The following PSMB11 variants were observed in gnomAD, a reference collection of about 807,000 sequenced individuals.
PSMB11 encodes proteasome subunit beta type-11.
For missense variants in PSMB11, 411 were observed against 408.2 expected, an observed-to-expected ratio of 1.01 and a Z score of -0.06; for synonymous variants, 163 against 167.7, an observed-to-expected ratio of 0.97 and a Z score of 0.22.
In PSMB11 at chr14:23,043,234, C is replaced by G; in HGVS notation, c.*106C>G. ...GCAGCCTCACAGCGTCTGGCTCTAG[C>G]CTGTATGGGTTGCTGGCTTCATTTA... On this transcript the variant is annotated 3_prime_UTR_variant, in exon 1 of 1. Coordinates refer to ENST00000408907, the MANE Select transcript of PSMB11 (RefSeq NM_001099780.2). 1.3e-6 allele frequency: 1 copy of G among 746,446 alleles called. No homozygotes were observed. Among genetic ancestry groups the G allele is most frequent in the East Asian group, 2.7e-5 (1 of 37,048 alleles). 46.2% of individuals were successfully genotyped at this position (746,446 alleles called of 1,614,324 possible). A position where few individuals can be genotyped will look rare whatever the true frequency, so the allele number is the denominator to read the frequency against.
rs2047020199 is a variant in PSMB11, at chr14:23,042,716, A to G, written c.491A>G (p.Tyr164Cys). 1.9e-6 allele frequency: 3 copies of G among 1,612,954 alleles called. No individual in the cohort carries two copies. The highest frequency in any genetic ancestry group is 2.5e-6 in the Non-Finnish European group (3 of 1,179,942). Residue 164 changes from tyrosine (Y) to cysteine (C), a missense_variant, in exon 1 of 1, where the codon TAT becomes TGT. By Grantham distance (194) the Tyr-to-Cys change is radical. Transcript: ENST00000408907. ...TCTGGCCCTGAGCTCTTCTACGTCT[A>G]TAGCGACGGCACCCGCCTGCAGGGG... ...DRSGPELFYV[Y>C]SDGTRLQGDI...
In PSMB11 at chr14:23,042,591, G is replaced by T. The variant is rs1411320591; in HGVS notation, c.366G>T (p.Leu122=). Residue 122 remains leucine, a synonymous_variant, in exon 1 of 1, where the codon CTG becomes CTT. Transcript: ENST00000408907. The stretch of plus-strand genomic sequence containing the variant: ...TTCGGGAACTGAGGGAGGGTCAGCT[G>T]CCCAGTGTGGCCAGTGCTGCCAAGC... ...LRLRELREGQ[L]PSVASAAKLL... The T allele has an allele frequency of 6.2e-7, 1 of 1,614,194 alleles. No individual in the cohort carries two copies. Among genetic ancestry groups the T allele is most frequent in the African/African-American group, 1.3e-5 (1 of 75,076 alleles).
At position 23,042,858 on chromosome 14, in the gene PSMB11, C is replaced by T. The variant is rs774847405; in HGVS notation, c.633C>T (p.His211=). The T allele has an allele frequency of 2.4e-5, 39 of 1,613,572 alleles. No individual in the cohort carries two copies. The East Asian group carries it at 2.5e-4, about 10-fold the overall frequency. Residue 211 remains histidine, a synonymous_variant, in exon 1 of 1, where the codon CAC becomes CAT. Transcript: ENST00000408907. ...AYALARCAVA[H]ATHRDAYSGG... is the part of the protein sequence containing the mutation. ...CCCTGGCTCGCTGCGCCGTGGCCCA[C>T]GCCACCCACCGTGATGCCTATTCAG...
chr14:23,043,626 G>T lies in PSMB11; in HGVS notation c.*498G>T, dbSNP rs930915822. ...CGTAGTGATAGACACCCTTTGGATG[G>T]TGATGGGCTTGTCTTATCTGCTCTC... On this transcript the variant is annotated 3_prime_UTR_variant, in exon 1 of 1. Coordinates refer to ENST00000408907, the MANE Select transcript of PSMB11 (RefSeq NM_001099780.2). 1.2e-5 allele frequency: 2 copies of T among 169,882 alleles called. No individual in the cohort carries two copies. Among genetic ancestry groups the T allele is most frequent in the African/African-American group, 4.8e-5 (2 of 41,496 alleles). The allele number at this position is 169,882 out of a possible 1,614,324, so 10.5% of individuals were successfully genotyped here. A position where few individuals can be genotyped will look rare whatever the true frequency, so the allele number is the denominator to read the frequency against.
Position 23,042,646 on chromosome 14 carries a change from G to C in PSMB11, c.421G>C (p.Gly141Arg). The C allele has an allele frequency of 6.2e-7, 1 of 1,614,032 alleles. No individual in the cohort carries two copies. Among genetic ancestry groups the C allele is most frequent in the South Asian group, 1.1e-5 (1 of 91,082 alleles). Residue 141 changes from glycine to arginine, a missense_variant, in exon 1 of 1, where the codon GGA (glycine) becomes CGA (arginine). By Grantham distance (125) the Gly-to-Arg change is moderately radical. Transcript: ENST00000408907. The stretch of plus-strand genomic sequence containing the variant: ...GTCAGCCATGATGTCTCAATACCGG[G>C]GACTGGATCTCTGTGTGGCCACTGC... Reference protein sequence around the residue: ...LLSAMMSQYRGLDLCVATALC... With the variant: ...LLSAMMSQYRRLDLCVATALC...
rs745500706 is a variant in PSMB11 at position 23,042,991 on chromosome 14, C to T, written c.766C>T (p.Pro256Ser). Residue 256 changes from proline to serine, a missense_variant, in exon 1 of 1, where the codon CCA becomes TCA. Pro to Ser is a moderately conservative substitution (Grantham distance 74). Transcript: ENST00000408907. ...GTTACAGAAGCTCCTGGAGCCGGAG[C>T]CAGAGGAGGATGCCAGCCATGCCCA... ...VELQKLLEPE[P>S]EEDASHAHPE... 4.3e-6 allele frequency: 7 copies of T among 1,613,964 alleles called. No individual in the cohort carries two copies. Among genetic ancestry groups the T allele is most frequent in the South Asian group, 1.1e-5 (1 of 91,088 alleles).
rs2047016630 is a variant in PSMB11 at position 23,042,282 on chromosome 14, T to G, written c.57T>G (p.Pro19=). 1 of 1,611,140 alleles carries G rather than the reference T, an allele frequency of 6.2e-7. No homozygotes were observed. The highest frequency in any genetic ancestry group is 1.3e-5 in the African/African-American group (1 of 74,926). ...WQSPDTQGPS[P]HLPRAGGWAV... is the part of the protein sequence containing the mutation. ...CCCCTGACACCCAGGGACCATCACC[T>G]CACCTGCCTCGGGCTGGCGGCTGGG... The change falls in exon 1 of 1, where the codon CCT becomes CCG. Residue 19 remains proline (P), a synonymous_variant. Transcript: ENST00000408907.
chr14:23,042,945 T>A lies in PSMB11; in HGVS notation c.720T>A (p.Asp240Glu), dbSNP rs1316533772. ...ESGWEHVSRS[D>E]ACVLYVELQK... ...GATGGGAGCATGTGTCACGCAGTGA[T>A]GCCTGTGTGCTGTACGTGGAGTTAC... The change falls in exon 1 of 1, where the codon GAT becomes GAA. Residue 240 changes from aspartate to glutamate, a missense_variant. Physicochemically the swap from Asp to Glu is conservative, Grantham distance 45. Transcript: ENST00000408907. The A allele has an allele frequency of 1.2e-6, 2 of 1,614,008 alleles. No homozygotes were observed. Among genetic ancestry groups the A allele is most frequent in the East Asian group, 4.5e-5 (2 of 44,884 alleles).
rs748542551 is a variant in PSMB11 at position 23,042,459 on chromosome 14, A to G, written c.234A>G (p.Pro78=). Residue 78 remains proline, a synonymous_variant, in exon 1 of 1, where the codon CCA becomes CCG. Transcript: ENST00000408907. The stretch of plus-strand genomic sequence containing the variant: ...CCTGTGGCAGCTATGTGGCGTGTCC[A>G]GCCTCATGCAAGGTCATCCCTGTGC... ...RSSCGSYVAC[P]ASCKVIPVHQ... 2.5e-6 allele frequency: 4 copies of G among 1,614,054 alleles called. No homozygotes were observed. The highest frequency in any genetic ancestry group is 3.4e-6 in the Non-Finnish European group (4 of 1,180,032).
chr14:23,042,668 C>T lies in PSMB11; in HGVS notation c.443C>T (p.Thr148Ile). The change falls in exon 1 of 1, where the codon ACT becomes ATT. Residue 148 changes from threonine to isoleucine, a missense_variant. Transcript: ENST00000408907. ...CGGGGACTGGATCTCTGTGTGGCCA[C>T]TGCCCTCTGCGGCTGGGACCGCTCT... ...QYRGLDLCVA[T>I]ALCGWDRSGP... 1 of 1,613,880 alleles carries T rather than the reference C, an allele frequency of 6.2e-7. No homozygotes were observed.
rs754132961 is a variant in PSMB11, at chr14:23,042,543, G to A, written c.318G>A (p.Arg106=). 85 of 1,614,088 alleles carry A rather than the reference G, an allele frequency of 5.3e-5. No individual in the cohort carries two copies. The highest frequency in any genetic ancestry group is 6.8e-5 in the Non-Finnish European group (80 of 1,180,034). ...GTSADCATWY[R]VLQRELRLRE... ...CTGCCGACTGTGCTACCTGGTATCGGGTATTACAGCGGGAGCTGCGGCTTC... is the reference window on the plus strand; with the variant it reads ...CTGCCGACTGTGCTACCTGGTATCGAGTATTACAGCGGGAGCTGCGGCTTC... Residue 106 remains arginine, a synonymous_variant, in exon 1 of 1, where the codon CGG becomes CGA. Coordinates refer to ENST00000408907, the MANE Select transcript of PSMB11 (RefSeq NM_001099780.2).
rs1380243421 is a variant in PSMB11, at chr14:23,042,805, T to C, written c.580T>C (p.Tyr194His). 3 of 1,612,938 alleles carry C rather than the reference T, an allele frequency of 1.9e-6. No homozygotes were observed. Among genetic ancestry groups the C allele is most frequent in the African/African-American group, 2.7e-5 (2 of 74,936 alleles). ...CGGCGTGCTAGACCGTGGCTATCGC[T>C]ACGACATGAGCACCCAGGAAGCCTA... ...AYGVLDRGYR[Y>H]DMSTQEAYAL... The change falls in exon 1 of 1, where the codon TAC becomes CAC. Residue 194 changes from tyrosine (Y) to histidine (H), a missense_variant. By Grantham distance (83) the Tyr-to-His change is moderately conservative. Transcript: ENST00000408907.
Position 23,042,356 on chromosome 14 carries a change from C to T in PSMB11, c.131C>T (p.Pro44Leu). Residue 44 changes from proline (P) to leucine (L), a missense_variant, in exon 1 of 1, where the codon CCC becomes CTC. Pro to Leu is a moderately conservative substitution (Grantham distance 98, BLOSUM62 -3). Coordinates refer to ENST00000408907, the MANE Select transcript of PSMB11 (RefSeq NM_001099780.2). The part of the protein sequence containing the change: ...DPQTFLQIHG[P>L]RLAHGTTTLA... ...CAAACCTTCCTGCAGATCCATGGCC[C>T]CAGACTGGCCCACGGCACCACCACT... The T allele has an allele frequency of 6.2e-7, 1 of 1,613,728 alleles. No individual in the cohort carries two copies. The highest frequency in any genetic ancestry group is 8.5e-7 in the Non-Finnish European group (1 of 1,180,018).
Position 23,043,133 on chromosome 14 carries a change from C to T in PSMB11, c.*5C>T, listed in dbSNP as rs1055350131. The T allele has an allele frequency of 6.3e-7, 1 of 1,598,954 alleles. No homozygotes were observed. Reference sequence around the variant, plus strand: ...GCAGGGACTGAGACGGTGTGAGAAGCAGGACTTGGTTGGGGATGGTGTAGG... The same window carrying T: ...GCAGGGACTGAGACGGTGTGAGAAGTAGGACTTGGTTGGGGATGGTGTAGG... On this transcript the variant is annotated 3_prime_UTR_variant, in exon 1 of 1. Coordinates refer to ENST00000408907, the MANE Select transcript of PSMB11 (RefSeq NM_001099780.2).
In PSMB11 at chr14:23,042,892, G is replaced by A. The variant is rs2047021874; in HGVS notation, c.667G>A (p.Val223Ile). 1.2e-6 allele frequency: 2 copies of A among 1,614,080 alleles called. No homozygotes were observed. The highest frequency in any genetic ancestry group is 1.7e-6 in the Non-Finnish European group (2 of 1,180,010). Residue 223 changes from valine (V) to isoleucine (I), a missense_variant, in exon 1 of 1, where the codon GTA becomes ATA. Transcript: ENST00000408907. Reference protein sequence around the residue: ...THRDAYSGGSVDLFHVRESGW... With the variant: ...THRDAYSGGSIDLFHVRESGW... Reference sequence around the variant, plus strand: ...CCGTGATGCCTATTCAGGGGGCTCTGTAGACCTTTTCCACGTGCGGGAGAG... The same window carrying A: ...CCGTGATGCCTATTCAGGGGGCTCTATAGACCTTTTCCACGTGCGGGAGAG...
rs745590086 is a variant in PSMB11, at chr14:23,042,741, G to A, written c.516G>A (p.Gly172=). Residue 172 remains glycine (G), a synonymous_variant, in exon 1 of 1, where the codon GGG becomes GGA. Transcript: ENST00000408907. ...ATAGCGACGGCACCCGCCTGCAGGG[G>A]GACATCTTCTCTGTGGGCTCTGGAT... ...YVYSDGTRLQ[G]DIFSVGSGSP... 1.2e-6 allele frequency: 2 copies of A among 1,613,288 alleles called. No individual in the cohort carries two copies. The highest frequency in any genetic ancestry group is 1.7e-6 in the Non-Finnish European group (2 of 1,179,962).
At position 23,042,786 on chromosome 14, in the gene PSMB11, G is replaced by A; in HGVS notation, c.561G>A (p.Val187=). ...VGSGSPYAYG[V]LDRGYRYDMS... is the part of the protein sequence containing the mutation. Reference sequence around the variant, plus strand: ...CTGGATCTCCCTATGCCTACGGCGTGCTAGACCGTGGCTATCGCTACGACA... The same window carrying A: ...CTGGATCTCCCTATGCCTACGGCGTACTAGACCGTGGCTATCGCTACGACA... The change falls in exon 1 of 1, where the codon GTG becomes GTA. Residue 187 remains valine, a synonymous_variant. Coordinates refer to ENST00000408907, the MANE Select transcript of PSMB11 (RefSeq NM_001099780.2). 1 of 1,612,948 alleles carries A rather than the reference G, an allele frequency of 6.2e-7. No individual in the cohort carries two copies. The highest frequency in any genetic ancestry group is 8.5e-7 in the Non-Finnish European group (1 of 1,180,008).
Position 23,042,553 on chromosome 14 carries a change from C to A in PSMB11, c.328C>A (p.Arg110=). ...TGCTACCTGGTATCGGGTATTACAG[C>A]GGGAGCTGCGGCTTCGGGAACTGAG... ...DCATWYRVLQ[R]ELRLRELREG... is the part of the protein sequence containing the mutation. The change falls in exon 1 of 1, where the codon CGG becomes AGG. Residue 110 remains arginine (R), a synonymous_variant. Transcript: ENST00000408907. 1.2e-6 allele frequency: 2 copies of A among 1,614,116 alleles called. No homozygotes were observed. The highest frequency in any genetic ancestry group is 1.7e-6 in the Non-Finnish European group (2 of 1,179,970).
chr14:23,043,021 G>A lies in PSMB11; in HGVS notation c.796G>A (p.Glu266Lys), dbSNP rs2139933245. 12 of 1,613,846 alleles carry A rather than the reference G, an allele frequency of 7.4e-6. No individual in the cohort carries two copies. Among genetic ancestry groups the A allele is most frequent in the South Asian group, 1.1e-5 (1 of 91,074 alleles). ...GGAGGATGCCAGCCATGCCCATCCT[G>A]AGCCTGCCACTGCCCACAGAGCTGC... ...PEEDASHAHP[E>K]PATAHRAAED... is the part of the protein sequence containing the mutation. The change falls in exon 1 of 1, where the codon GAG becomes AAG. Residue 266 changes from glutamate (E) to lysine (K), a missense_variant. Transcript: ENST00000408907.
Sources: allele counts gnomAD v4.1 joint callset, GRCh38; gene constraint gnomAD v4.1.1; transcripts MANE v1.5; gene names NCBI Gene and HGNC (gene_info 2026-07-23, HGNC 2026-07-21).